The following PINX1 variants were observed in gnomAD, a reference collection of about 807,000 sequenced individuals.
The protein encoded by PINX1 is PIN2 (TERF1) interacting telomerase inhibitor 1.
A neutral mutation model predicts 25.4 loss-of-function variants in PINX1; 34 were observed. That is an observed-to-expected ratio of 1.34 (90% confidence interval 1.02 to 1.78). The LOEUF is 1.78. Among genes scored for constraint, PINX1 ranks in the 40% most tolerant of loss-of-function variants. PINX1 has a pLI of 0.00. For missense variants in PINX1, 592 were observed against 404.9 expected (o/e 1.46, Z -3.97); for synonymous variants, 197 against 147.7 (o/e 1.33, Z -2.42).
At chr8:10,786,221 T>C (rs1801743188) in intron 6 of PINX1, among the ~76,000 whole-genome samples, 1 of 152,236 alleles carries the variant, frequency 6.6e-6, no homozygotes, top group Admixed American at 6.5e-5. Context: ...TAGGTGAATT[T>C]CTTGGGACTG....
chr8:10,811,406 G>A (rs569434788), intron 6 of PINX1, among the ~76,000 whole-genome samples: 45 of 152,234 alleles, frequency 3.0e-4, no homozygotes, highest in African/African-American at 1.0e-3. Context: ...ATATATATTT[G>A]ATACCAGGTA....
intron 6 of PINX1, among the ~76,000 whole-genome samples, chr8:10,773,204 C>A (rs1332349533): frequency 6.6e-6 from 1 of 152,094 alleles, no homozygotes; most frequent in East Asian, 1.9e-4. Flanking sequence ...TTCCAGTGCA[C>A]ACACACAATA....
chr8:10,784,135 G>A (rs898583134), intron 6 of PINX1, among the ~76,000 whole-genome samples: 3 of 152,170 alleles, frequency 2.0e-5, no homozygotes, highest in Non-Finnish European at 4.4e-5. Context: ...ACAAAATAAT[G>A]TGAAAGTCAT....
intron 6 of PINX1, among the ~76,000 whole-genome samples, chr8:10,815,474 A>AATTTACATTT (rs1797669720): frequency 6.6e-6 from 1 of 152,258 alleles, no homozygotes; most frequent in African/African-American, 2.4e-5. Flanking sequence ...ATGCGCACAA[A>AATTTACATTT]GAAAATTTAC....
chr8:10,787,593 T>C (rs1801792385), intron 6 of PINX1: 2 of 298,214 alleles, frequency 6.7e-6, no homozygotes, highest in South Asian at 6.6e-5. Flanking sequence ...CAGATTACAC[T>C]GTAAGCTATG....
At position 10,765,131 on chromosome 8, in the gene PINX1, T is replaced by C; in HGVS notation, c.*270A>G. On this transcript the variant is annotated 3_prime_UTR_variant, in exon 7 of 7. Transcript: ENST00000314787. The stretch of plus-strand genomic sequence containing the variant: ...ACATGAATGCATGTATTTGTAATGA[T>C]TATAATTAAACTCTCTTGCTGAAGG... 2.2e-6 allele frequency: 1 copy of C among 444,448 alleles called. No homozygotes were observed. The highest frequency in any genetic ancestry group is 2.0e-5 in the African/African-American group (1 of 50,766). 27.5% of individuals were successfully genotyped at this position (444,448 alleles called of 1,614,324 possible). A position where few individuals can be genotyped will look rare whatever the true frequency, so the allele number is the denominator to read the frequency against.
At chr8:10,796,646 A>C (rs1802093152) in intron 6 of PINX1, among the ~76,000 whole-genome samples, 1 of 152,102 alleles carries the variant, frequency 6.6e-6, no homozygotes, top group Non-Finnish European at 1.5e-5. Context: ...AGGTGATAAG[A>C]ATCCATTACT....
chr8:10,765,718 C>T lies in PINX1; in HGVS notation c.670G>A (p.Val224Met). 2.5e-6 allele frequency: 4 copies of T among 1,614,032 alleles called. No homozygotes were observed. The highest frequency in any genetic ancestry group is 3.4e-6 in the Non-Finnish European group (4 of 1,179,894). ...GCCTTAGGCTGGAGGTAACTTTCCA[C>T]ATCTTTACCTGTGGCCTCTTTATTT... is the stretch of plus-strand genomic sequence containing the variant. The part of the protein sequence containing the change: ...KRNKEATGKD[V>M]ESYLQPKAKR... The change falls in exon 7 of 7, where the codon GTG (valine) becomes ATG (methionine). Residue 224 changes from valine (V) to methionine (M), a missense_variant. Val to Met is a conservative substitution (Grantham distance 21). Coordinates refer to ENST00000314787, the MANE Select transcript of PINX1 (RefSeq NM_017884.6).
intron 5 of PINX1, chr8:10,825,508 G>A (rs912370238): frequency 1.9e-6 from 1 of 529,862 alleles, no homozygotes; most frequent in Non-Finnish European, 3.9e-6. Context: ...ATGCAAGATC[G>A]CCACCTAGTG....
intron 6 of PINX1, among the ~76,000 whole-genome samples, chr8:10,770,821 G>A (rs1213611708): frequency 2.6e-5 from 4 of 152,174 alleles, no homozygotes; most frequent in East Asian, 1.9e-4. Flanking sequence ...CTTTCAGCTC[G>A]CCAGCCTTGC....
At chr8:10,820,067 G>A (rs762490894) in intron 6 of PINX1, 126 bp downstream of exon 6, 10 of 688,462 alleles carry the variant, frequency 1.5e-5, no homozygotes, top group Non-Finnish European at 2.7e-5. Context: ...GGCTGTGCAT[G>A]AAGCCTCCAA....
chr8:10,791,179 T>C (rs1322613390), intron 6 of PINX1, among the ~76,000 whole-genome samples: 1 of 152,260 alleles, frequency 6.6e-6, no homozygotes, highest in African/African-American at 2.4e-5. Flanking sequence ...TCCAAAGTGC[T>C]GGGATGACAG....
intron 6 of PINX1, among the ~76,000 whole-genome samples, chr8:10,815,468 G>A (rs1033457028): frequency 6.6e-6 from 1 of 152,204 alleles, no homozygotes; most frequent in South Asian, 2.1e-4. Context: ...CCTACTATGC[G>A]CACAAAGAAA....
intron 6 of PINX1, among the ~76,000 whole-genome samples, chr8:10,775,863 T>A (rs983625557): frequency 6.6e-6 from 1 of 152,178 alleles, no homozygotes; most frequent in Admixed American, 6.5e-5. Flanking sequence ...CACATGACTT[T>A]CTTCAAACAC....
chr8:10,818,756 G>A (rs911399631), intron 6 of PINX1, among the ~76,000 whole-genome samples: 6 of 152,158 alleles, frequency 3.9e-5, no homozygotes, highest in African/African-American at 1.4e-4. Context: ...GTGGGGTGGG[G>A]GCAGCTGTTG....
intron 5 of PINX1, among the ~76,000 whole-genome samples, chr8:10,821,315 C>T (rs775736293): frequency 8.5e-5 from 13 of 152,106 alleles, no homozygotes; most frequent in Non-Finnish European, 1.3e-4. Flanking sequence ...TCAGTGACTC[C>T]GTGAAATTAA....
chr8:10,806,857 C>T (rs1273079898), intron 6 of PINX1, among the ~76,000 whole-genome samples: 1 of 152,096 alleles, frequency 6.6e-6, no homozygotes, highest in Non-Finnish European at 1.5e-5. Context: ...CGTCCATGGC[C>T]CCAGCGAGAG....
intron 6 of PINX1, among the ~76,000 whole-genome samples, chr8:10,809,451 G>C (rs552994003): frequency 2.0e-5 from 3 of 152,152 alleles, no homozygotes; most frequent in African/African-American, 7.2e-5. Context: ...GTGCTCAATA[G>C]AAAATATAGC....
At chr8:10,836,792 A>C (rs1798419529) in intron 1 of PINX1, among the ~76,000 whole-genome samples, 1 of 152,220 alleles carries the variant, frequency 6.6e-6, no homozygotes, top group Non-Finnish European at 1.5e-5. Flanking sequence ...AAATGTGCAG[A>C]TCCTCTTAGA....
Sources: allele counts gnomAD v4.1 joint callset (sites outside exome capture counted in the v4.1 genomes callset), GRCh38; gene constraint gnomAD v4.1.1; transcripts MANE v1.5; gene names NCBI Gene and HGNC (gene_info 2026-07-23, HGNC 2026-07-21).